Variants in CCDC50 observed in about 807,000 individuals in gnomAD.
CCDC50 encodes coiled-coil domain containing 50.
CCDC50 carries 54 observed loss-of-function variants against 70.2 expected under a neutral mutation model. The observed-to-expected ratio is 0.77, with a 90% confidence interval of 0.62 to 0.96. CCDC50 has a LOEUF of 0.96. Among genes scored for constraint, CCDC50 ranks in the 50% least tolerant of loss-of-function variants. The pLI is 0.00. For missense variants in CCDC50, 558 were observed against 578.7 expected (o/e 0.96, Z 0.37); for synonymous variants, 216 against 198.8 (o/e 1.09, Z -0.73).
intron 5 of CCDC50, 22 bp downstream of exon 5, chr3:191,370,058 T>C: frequency 6.8e-7 from 1 of 1,476,864 alleles, no homozygotes; most frequent in Non-Finnish European, 9.5e-7. Flanking sequence ...TGCATCATGA[T>C]CTATTCTATC....
At chr3:191,374,584 G>T (rs1259722741) in intron 5 of CCDC50, among the ~76,000 whole-genome samples, 1 of 152,146 alleles carries the variant, frequency 6.6e-6, no homozygotes, top group Non-Finnish European at 1.5e-5. Flanking sequence ...GAACTCAAGA[G>T]AAACTAGCAA....
chr3:191,390,016 A>G (rs1576978047), intron 11 of CCDC50, among the ~76,000 whole-genome samples: 1 of 143,800 alleles, frequency 7.0e-6, no homozygotes, highest in East Asian at 2.0e-4. Context: ...ATGTGCCACC[A>G]CACTTGGCTA....
At chr3:191,329,976 G>A (rs1717907184) in intron 1 of CCDC50, among the ~76,000 whole-genome samples, 1 of 88,376 alleles carries the variant, frequency 1.1e-5, no homozygotes, top group Non-Finnish European at 2.3e-5. Flanking sequence ...GCCCCAGCAA[G>A]TAGGTGGCTG....
At chr3:191,346,899 A>C (rs1560157916) in intron 1 of CCDC50, among the ~76,000 whole-genome samples, 1 of 98,438 alleles carries the variant, frequency 1.0e-5, no homozygotes, top group African/African-American at 3.1e-5. Context: ...ATAGATCAGC[A>C]TCTTTTTATG....
At chr3:191,345,154 T>C (rs1406233475) in intron 1 of CCDC50, among the ~76,000 whole-genome samples, 4 of 152,206 alleles carry the variant, frequency 2.6e-5, no homozygotes, top group Admixed American at 1.3e-4. Context: ...TGTTAATACC[T>C]GCATCAGCAT....
chr3:191,336,660 CT>C, intron 1 of CCDC50, among the ~76,000 whole-genome samples: 1 of 152,266 alleles, frequency 6.6e-6, no homozygotes, highest in South Asian at 2.1e-4. Flanking sequence ...CCTAGCCCTA[CT>C]TGATATTAGC....
intron 4 of CCDC50, among the ~76,000 whole-genome samples, chr3:191,366,153 A>G (rs774481389): frequency 6.6e-6 from 1 of 152,122 alleles, no homozygotes; most frequent in Non-Finnish European, 1.5e-5. Context: ...TTCTTACATT[A>G]TGCTAATTGT....
At chr3:191,361,499 G>A (rs1576960583) in intron 4 of CCDC50, among the ~76,000 whole-genome samples, 2 of 152,144 alleles carry the variant, frequency 1.3e-5, no homozygotes, top group Admixed American at 1.3e-4. Context: ...GCAGGGTCAC[G>A]CTACCTCTTG....
intron 1 of CCDC50, among the ~76,000 whole-genome samples, chr3:191,341,650 G>A (rs572255913): frequency 6.6e-6 from 1 of 152,234 alleles, no homozygotes; most frequent in Admixed American, 6.5e-5. Flanking sequence ...TTCAGCCTTT[G>A]TTGGGAATAG....
Position 191,398,351 on chromosome 3 carries a change from C to T in CCDC50, c.*6591C>T, listed in dbSNP as rs2108683323. On this transcript the variant is annotated 3_prime_UTR_variant, in exon 12 of 12. Coordinates refer to ENST00000392455, the MANE Select transcript of CCDC50 (RefSeq NM_178335.3). ...CCAAAGTATTCTATAAGTCTGTGTG[C>T]TTTGTTTTCCTGGATGGTTTGACCA... is the stretch of plus-strand genomic sequence containing the variant. 1 of 152,154 alleles carries T rather than the reference C, an allele frequency of 6.6e-6. No homozygotes were observed. The highest frequency in any genetic ancestry group is 1.5e-5 in the Non-Finnish European group (1 of 67,998). 9.4% of individuals were successfully genotyped at this position (152,154 alleles called of 1,614,324 possible).
chr3:191,335,770 C>G (rs1226569911), intron 1 of CCDC50, among the ~76,000 whole-genome samples: 2 of 152,050 alleles, frequency 1.3e-5, no homozygotes, highest in Non-Finnish European at 2.9e-5. Flanking sequence ...TTTCCTTTTT[C>G]TTTGTCGTTT....
chr3:191,396,205 G>C lies in CCDC50; in HGVS notation c.*4445G>C, dbSNP rs1218472368. 3.3e-5 allele frequency: 5 copies of C among 152,312 alleles called. No individual in the cohort carries two copies. In the South Asian group the frequency reaches 8.3e-4, roughly 25 times the overall value. 9.4% of individuals were successfully genotyped at this position (152,312 alleles called of 1,614,324 possible). A position where few individuals can be genotyped will look rare whatever the true frequency, so the allele number is the denominator to read the frequency against. ...CCTGCACTTTATGCCAGCACTGTTTGTGAGGAGCAGTACTGCCTTAAATTA... is the reference window on the plus strand; with the variant it reads ...CCTGCACTTTATGCCAGCACTGTTTCTGAGGAGCAGTACTGCCTTAAATTA... On this transcript the variant is annotated 3_prime_UTR_variant, in exon 12 of 12. Transcript: ENST00000392455.
intron 1 of CCDC50, among the ~76,000 whole-genome samples, chr3:191,339,718 A>G (rs1711657700): frequency 6.6e-6 from 1 of 152,208 alleles, no homozygotes; most frequent in Non-Finnish European, 1.5e-5. Context: ...AGTAAATGTT[A>G]CAGTCCACAT....
chr3:191,394,604 C>G lies in CCDC50; in HGVS notation c.*2844C>G, dbSNP rs1014650960. 4.6e-5 allele frequency: 7 copies of G among 152,202 alleles called. No homozygotes were observed. The East Asian group carries it at 1.2e-3, about 25-fold the overall frequency. The allele number at this position is 152,202 out of a possible 1,614,324, so 9.4% of individuals were successfully genotyped here. On this transcript the variant is annotated 3_prime_UTR_variant, in exon 12 of 12. Transcript: ENST00000392455. ...TGGGAAAACCTTTCTGTTTCTGTAT[C>G]TTTGTCCTTTGGAGGCCAGGCCTCA...
chr3:191,362,900 A>T (rs147345009), intron 4 of CCDC50, among the ~76,000 whole-genome samples: 2,439 of 152,326 alleles, frequency 0.016, 79 homozygotes, highest in African/African-American at 0.056. Flanking sequence ...TGTAATACAC[A>T]GGAGGCGCTT....
chr3:191,379,283 T>C (rs1713224643), intron 6 of CCDC50, among the ~76,000 whole-genome samples: 1 of 152,074 alleles, frequency 6.6e-6, no homozygotes, highest in Non-Finnish European at 1.5e-5. Context: ...CCTCATGTGA[T>C]TCGAATATAT....
At chr3:191,369,236 C>T (rs1350058827) in intron 4 of CCDC50, among the ~76,000 whole-genome samples, 2 of 152,020 alleles carry the variant, frequency 1.3e-5, no homozygotes, top group African/African-American at 4.8e-5. Flanking sequence ...CTCTTTTGTA[C>T]TCCCGTGGAA....
intron 1 of CCDC50, among the ~76,000 whole-genome samples, chr3:191,349,663 G>T (rs1274654992): frequency 7.1e-6 from 1 of 141,664 alleles, no homozygotes; most frequent in East Asian, 1.9e-4. Context: ...TAAAAGCCCA[G>T]ACTTCACTAC....
At chr3:191,370,259 A>G in intron 5 of CCDC50, 3 of 416,062 alleles carry the variant, frequency 7.2e-6, no homozygotes, top group South Asian at 6.2e-5. Flanking sequence ...ACATGTGCAC[A>G]ACGTGCAGGT....
Sources: allele counts gnomAD v4.1 joint callset (sites outside exome capture counted in the v4.1 genomes callset), GRCh38; gene constraint gnomAD v4.1.1; transcripts MANE v1.5; gene names NCBI Gene and HGNC (gene_info 2026-07-23, HGNC 2026-07-21).